ARHGEF3: variants seen among roughly 807,000 people sequenced by gnomAD.
ARHGEF3 encodes 59.8 kDA protein.
A neutral mutation model predicts 63.2 loss-of-function variants in ARHGEF3; 28 were observed. That is an observed-to-expected ratio of 0.44 (90% CI 0.33 to 0.61). The LOEUF (loss-of-function observed/expected upper bound fraction) is 0.61, where lower values mean the gene tolerates loss of function less well. ARHGEF3 is among the 20% of genes least tolerant of loss of function. ARHGEF3 has a pLI of 0.03. For missense variants in ARHGEF3, 533 were observed against 659.3 expected (o/e 0.81, Z 2.10); for synonymous variants, 266 against 254.2 (o/e 1.05, Z -0.44).
chr3:56,918,319 T>G (rs1026934361), intron 3 of ARHGEF3, among the ~76,000 whole-genome samples: 1 of 152,238 alleles, frequency 6.6e-6, no homozygotes, highest in African/African-American at 2.4e-5. Flanking sequence ...AAGGATTCAC[T>G]GGAAATGTGA....
At chr3:56,774,778 A>G (rs956378794) in intron 1 of ARHGEF3, among the ~76,000 whole-genome samples, 1 of 152,116 alleles carries the variant, frequency 6.6e-6, no homozygotes, top group African/African-American at 2.4e-5. Context: ...AGGTGCCTGT[A>G]ATCCCAGCTA....
At chr3:56,739,867 C>T (rs559802382) in intron 7 of ARHGEF3, among the ~76,000 whole-genome samples, 1 of 151,604 alleles carries the variant, frequency 6.6e-6, no homozygotes, top group South Asian at 2.1e-4. Flanking sequence ...GATGCACAAT[C>T]TGTATATTTT....
At position 56,801,687 on chromosome 3, in the gene ARHGEF3, C is replaced by T. The variant is rs1386742098; in HGVS notation, c.96+16G>A. 6.4e-7 allele frequency: 1 copy of T among 1,553,154 alleles called. No individual in the cohort carries two copies. The highest frequency in any genetic ancestry group is 8.7e-7 in the Non-Finnish European group (1 of 1,147,728). On this transcript the variant is annotated intron_variant, in intron 1 of 9. Coordinates refer to ENST00000296315, the MANE Select transcript of ARHGEF3 (RefSeq NM_019555.3). Reference sequence around the variant, plus strand: ...CAGATGACCCATAGAGGTCCAGGTGCAGGGCGCGGCCCTACCTCAGCGTCC... The same window carrying T: ...CAGATGACCCATAGAGGTCCAGGTGTAGGGCGCGGCCCTACCTCAGCGTCC...
chr3:56,886,813 T>C (rs1310150227), intron 3 of ARHGEF3, among the ~76,000 whole-genome samples: 3 of 152,072 alleles, frequency 2.0e-5, no homozygotes, highest in Admixed American at 2.0e-4. Context: ...AGATGAAGGC[T>C]CAAAAAGGGG....
chr3:56,769,166 C>T (rs2035873863), intron 2 of ARHGEF3, among the ~76,000 whole-genome samples: 2 of 152,208 alleles, frequency 1.3e-5, no homozygotes, highest in Admixed American at 1.3e-4. Context: ...GGGGCTACAT[C>T]ACAACATCAT....
At chr3:56,983,587 C>A (rs1186186325) in intron 2 of ARHGEF3, among the ~76,000 whole-genome samples, 1 of 152,206 alleles carries the variant, frequency 6.6e-6, no homozygotes. Context: ...AATGCATTTA[C>A]AACACAGCCC....
At chr3:56,922,978 G>GAGTTCA (rs1274787939) in intron 3 of ARHGEF3, among the ~76,000 whole-genome samples, 4 of 148,192 alleles carry the variant, frequency 2.7e-5, no homozygotes, top group Non-Finnish European at 4.4e-5. Context: ...CTGAGGTCAG[G>GAGTTCA]AGTTCAAGAC....
intron 2 of ARHGEF3, among the ~76,000 whole-genome samples, chr3:57,010,485 A>G (rs1352098485): frequency 6.0e-5 from 9 of 150,920 alleles, no homozygotes; most frequent in Non-Finnish European, 1.2e-4. Context: ...CCCACAGTGG[A>G]ATTTATTTAC....
intron 1 of ARHGEF3, chr3:57,074,795 C>G (rs987595452): frequency 1.2e-5 from 2 of 173,388 alleles, no homozygotes; most frequent in African/African-American, 4.8e-5. Context: ...GATTATAACT[C>G]CAGCAATGAC....
At chr3:56,876,789 C>T (rs1002913976) in intron 4 of ARHGEF3, among the ~76,000 whole-genome samples, 2 of 152,200 alleles carry the variant, frequency 1.3e-5, no homozygotes, top group East Asian at 1.9e-4. Flanking sequence ...AAAAGATGCC[C>T]CACCACCAGC....
intron 1 of ARHGEF3, among the ~76,000 whole-genome samples, chr3:57,070,768 G>A (rs957928689): frequency 1.3e-5 from 2 of 151,976 alleles, no homozygotes; most frequent in Non-Finnish European, 2.9e-5. Flanking sequence ...AGACCAGCCT[G>A]GGTAACACAG....
At chr3:56,930,051 C>G (rs550929641) in intron 3 of ARHGEF3, among the ~76,000 whole-genome samples, 5 of 152,180 alleles carry the variant, frequency 3.3e-5, no homozygotes, top group East Asian at 1.9e-4. Flanking sequence ...ACCAGCCCCC[C>G]CCTCCCACCA....
intron 4 of ARHGEF3, among the ~76,000 whole-genome samples, chr3:56,816,466 C>G (rs986997437): frequency 9.2e-5 from 14 of 152,182 alleles, no homozygotes; most frequent in African/African-American, 3.1e-4. Context: ...TCATTATTCT[C>G]TAGCATCTGT....
At chr3:56,802,054 C>A (rs1246587414), upstream of ARHGEF3, 6 of 1,322,040 alleles carry the variant, frequency 4.5e-6, no homozygotes, top group South Asian at 4.8e-5. Flanking sequence ...GGAGGGCCCA[C>A]GTGCCGCAGC....
intron 3 of ARHGEF3, among the ~76,000 whole-genome samples, chr3:56,888,178 A>C (rs1412692239): frequency 1.3e-5 from 2 of 151,386 alleles, no homozygotes; most frequent in Non-Finnish European, 2.9e-5. Flanking sequence ...AAGAAATTAC[A>C]GTTGTTTAGA....
At chr3:56,853,438 G>A (rs2039745309) in intron 4 of ARHGEF3, among the ~76,000 whole-genome samples, 1 of 152,210 alleles carries the variant, frequency 6.6e-6, no homozygotes, top group Non-Finnish European at 1.5e-5. Context: ...CTGGGTTCAA[G>A]CAATTCTCCT....
chr3:56,738,379 C>G (rs1023713997), intron 7 of ARHGEF3, among the ~76,000 whole-genome samples: 1 of 151,774 alleles, frequency 6.6e-6, no homozygotes, highest in Non-Finnish European at 1.5e-5. Flanking sequence ...ACCATGTTGC[C>G]CAGGCTGGTC....
upstream of ARHGEF3, among the ~76,000 whole-genome samples, chr3:56,805,471 G>A (rs1192059727): frequency 6.6e-6 from 1 of 152,150 alleles, no homozygotes; most frequent in African/African-American, 2.4e-5. Context: ...CTGAGCTCAA[G>A]TGATCCACCC....
intron 2 of ARHGEF3, among the ~76,000 whole-genome samples, chr3:57,028,302 A>T (rs1357508628): frequency 3.2e-5 from 3 of 93,710 alleles, no homozygotes; most frequent in African/African-American, 1.3e-4. Context: ...CAAATGTCCA[A>T]CAATGATAGA....
Sources: gnomAD v4.1 joint callset for allele counts (sites outside exome capture counted in the v4.1 genomes callset) on GRCh38, gnomAD v4.1.1 for gene constraint, MANE v1.5 for transcripts, NCBI Gene and HGNC (gene_info 2026-07-23, HGNC 2026-07-21) for gene names.